Variants in ATP2B1 observed in about 807,000 individuals in gnomAD.
ATP2B1 encodes the protein plasma membrane calcium-transporting ATPase 1.
ATP2B1 carries 14 observed loss-of-function variants against 124.2 expected under a neutral mutation model. That is an observed-to-expected ratio of 0.11 (90% CI 0.07 to 0.18). The LOEUF (loss-of-function observed/expected upper bound fraction) is 0.18, where lower values mean the gene tolerates loss of function less well. ATP2B1 is among the 10% of genes least tolerant of loss of function. The probability of loss-of-function intolerance (pLI) is 1.00; values close to 1 mark genes in which losing one functional copy is unlikely to be tolerated. For missense variants in ATP2B1, 763 were observed against 1,466.1 expected (o/e 0.52, Z 7.83); for synonymous variants, 449 against 492.4 (o/e 0.91, Z 1.17).
chr12:89,664,851 C>A (rs181011853), intron 1 of ATP2B1, among the ~76,000 whole-genome samples: 4 of 142,830 alleles, frequency 2.8e-5, no homozygotes, highest in African/African-American at 7.7e-5. Context: ...TTATGCTATT[C>A]TTTTTTTTTT....
At chr12:89,645,423 G>A (rs1432903499) in intron 2 of ATP2B1, among the ~76,000 whole-genome samples, 1 of 152,122 alleles carries the variant, frequency 6.6e-6, no homozygotes, top group Non-Finnish European at 1.5e-5. Flanking sequence ...GTGTGAACAA[G>A]AACATTCAAT....
At chr12:89,695,989 A>C (rs1281286008) in intron 1 of ATP2B1, among the ~76,000 whole-genome samples, 5 of 152,228 alleles carry the variant, frequency 3.3e-5, no homozygotes, top group Admixed American at 6.5e-5. Context: ...AGTGGATTCA[A>C]GCTCAAGACC....
At chr12:89,663,469 G>A (rs1886936287) in intron 1 of ATP2B1, among the ~76,000 whole-genome samples, 1 of 151,994 alleles carries the variant, frequency 6.6e-6, no homozygotes, top group South Asian at 2.1e-4. Context: ...AATTTGTTAG[G>A]GTTACCCATG....
chr12:89,604,017 C>G, intron 16 of ATP2B1, 92 bp from the exon 17 acceptor site: 1 of 1,428,490 alleles, frequency 7.0e-7, no homozygotes, highest in Non-Finnish European at 9.5e-7. Flanking sequence ...ACTTGAGAAA[C>G]AGAACAGGAT....
At position 89,589,510 on chromosome 12, in the gene ATP2B1, G is replaced by T. The variant is rs1873172170; in HGVS notation, c.*1474C>A. 1 of 152,144 alleles carries T rather than the reference G, an allele frequency of 6.6e-6. No homozygotes were observed. Among genetic ancestry groups the T allele is most frequent in the Admixed American group, 6.5e-5 (1 of 15,276 alleles). The allele number at this position is 152,144 out of a possible 1,614,324, so 9.4% of individuals were successfully genotyped here. ...CCTAATCTGTTATTTGGCCACTTAA[G>T]AATTAAAATAAATGTATCAAAGACA... On this transcript the variant is annotated 3_prime_UTR_variant, in exon 21 of 21. Coordinates refer to ENST00000428670, the MANE Select transcript of ATP2B1 (RefSeq NM_001366521.1).
chr12:89,676,832 T>G (rs1304978184), intron 1 of ATP2B1, among the ~76,000 whole-genome samples: 3 of 152,136 alleles, frequency 2.0e-5, no homozygotes, highest in Non-Finnish European at 4.4e-5. Context: ...AAATTCTCAT[T>G]GTTAAAAGAA....
At position 89,588,519 on chromosome 12, in the gene ATP2B1, T is replaced by C. The variant is rs1369082393; in HGVS notation, c.*2465A>G. On this transcript the variant is annotated 3_prime_UTR_variant, in exon 21 of 21. Transcript: ENST00000428670. ...TTGAATTACAGATTTCAGCTATACA[T>C]ACTATATAATGGGATCCAAGATCTT... 1 of 152,598 alleles carries C rather than the reference T, an allele frequency of 6.6e-6. No homozygotes were observed. The highest frequency in any genetic ancestry group is 1.5e-5 in the Non-Finnish European group (1 of 67,994). 9.5% of individuals were successfully genotyped at this position (152,598 alleles called of 1,614,324 possible).
In ATP2B1 at chr12:89,591,083, A is replaced by ATTGTTATTT; in HGVS notation, c.3555_3563dup (p.Lys1185_Asn1187dup). 6.2e-7 allele frequency: 1 copy of ATTGTTATTT among 1,613,232 alleles called. No individual in the cohort carries two copies. Among genetic ancestry groups the ATTGTTATTT allele is most frequent in the Non-Finnish European group, 8.5e-7 (1 of 1,179,386 alleles). On this transcript the variant is annotated inframe_insertion, in exon 21 of 21. Transcript: ENST00000428670. Reference sequence around the variant, plus strand: ...TAAGGTGAATTCCACTGTCAACAGCATTGTTATTTTTGTTGGGAGAGGGTG... The same window carrying ATTGTTATTT: ...TAAGGTGAATTCCACTGTCAACAGCATTGTTATTTTTGTTATTTTTGTTGGGAGAGGGTG...
intron 3 of ATP2B1, chr12:89,641,936 G>C (rs1883588974): frequency 1.9e-6 from 1 of 528,568 alleles, no homozygotes; most frequent in Non-Finnish European, 3.4e-6. Context: ...TATATGGATA[G>C]GTTATTTAAC....
chr12:89,646,176 G>C (rs1565866324), intron 2 of ATP2B1, among the ~76,000 whole-genome samples: 1 of 152,062 alleles, frequency 6.6e-6, no homozygotes, highest in Non-Finnish European at 1.5e-5. Flanking sequence ...TTTGAGAATT[G>C]AAGAATTAGG....
chr12:89,620,495 A>T (rs1487033759), intron 10 of ATP2B1, among the ~76,000 whole-genome samples: 1 of 152,194 alleles, frequency 6.6e-6, no homozygotes. Flanking sequence ...CCTTGGCTTC[A>T]GCATCTGTAA....
chr12:89,638,221 T>C (rs995573974), intron 3 of ATP2B1, among the ~76,000 whole-genome samples: 3 of 152,192 alleles, frequency 2.0e-5, no homozygotes, highest in African/African-American at 7.2e-5. Flanking sequence ...TAAAAACCTG[T>C]ATTATCAAAG....
At chr12:89,671,651 C>T (rs540077431) in intron 1 of ATP2B1, among the ~76,000 whole-genome samples, 2 of 152,024 alleles carry the variant, frequency 1.3e-5, no homozygotes, top group African/African-American at 4.8e-5. Flanking sequence ...CCAAACATAC[C>T]GCTTGTTCTG....
chr12:89,638,890 G>C (rs1444756468), intron 3 of ATP2B1, among the ~76,000 whole-genome samples: 1 of 151,930 alleles, frequency 6.6e-6, no homozygotes, highest in Non-Finnish European at 1.5e-5. Flanking sequence ...TTTTTATTTA[G>C]AATATACTAA....
At chr12:89,633,293 C>CT (rs775680910) in intron 5 of ATP2B1, among the ~76,000 whole-genome samples, 5 of 151,222 alleles carry the variant, frequency 3.3e-5, no homozygotes, top group Non-Finnish European at 7.4e-5. Flanking sequence ...GTTCTTTTTT[C>CT]TTTTTTTTAA....
chr12:89,681,428 T>A (rs1303076550), intron 1 of ATP2B1, among the ~76,000 whole-genome samples: 1 of 149,738 alleles, frequency 6.7e-6, no homozygotes, highest in Non-Finnish European at 1.5e-5. Flanking sequence ...TCACCCAGGC[T>A]GGAGTGCAGT....
At chr12:89,699,694 G>A (rs529346125) in intron 1 of ATP2B1, among the ~76,000 whole-genome samples, 2 of 152,278 alleles carry the variant, frequency 1.3e-5, no homozygotes, top group South Asian at 4.1e-4. Flanking sequence ...ACATATCATG[G>A]AGTAAAAACC....
rs1873378233 is a variant in ATP2B1, at chr12:89,590,607, A to C, written c.*377T>G. On this transcript the variant is annotated 3_prime_UTR_variant, in exon 21 of 21. Transcript: ENST00000428670. The stretch of plus-strand genomic sequence containing the variant: ...GCCAACAGCAGAAATTAAACTATCA[A>C]TTCAACGATCCAGGGCTCTTTGTCT... 1 of 164,056 alleles carries C rather than the reference A, an allele frequency of 6.1e-6. No homozygotes were observed. The highest frequency in any genetic ancestry group is 2.4e-5 in the African/African-American group (1 of 41,668). 10.2% of individuals were successfully genotyped at this position (164,056 alleles called of 1,614,324 possible). A position where few individuals can be genotyped will look rare whatever the true frequency, so the allele number is the denominator to read the frequency against.
chr12:89,688,598 G>A (rs1283934771), intron 1 of ATP2B1, among the ~76,000 whole-genome samples: 3 of 152,004 alleles, frequency 2.0e-5, no homozygotes, highest in Non-Finnish European at 2.9e-5. Context: ...AACTATAGGT[G>A]GCACTACATA....
Sources: gnomAD v4.1 joint callset for allele counts (sites outside exome capture counted in the v4.1 genomes callset) on GRCh38, gnomAD v4.1.1 for gene constraint, MANE v1.5 for transcripts, NCBI Gene and HGNC (gene_info 2026-07-23, HGNC 2026-07-21) for gene names.